ADGRV1: variants seen among roughly 807,000 people sequenced by gnomAD.
ADGRV1 encodes G-protein coupled receptor 98.
Under a neutral mutation model 596.2 loss-of-function variants are expected in ADGRV1, and 359 were observed. The ratio of observed to expected loss-of-function variants is 0.60; its 90% CI spans 0.55 to 0.66. The LOEUF is 0.66. Among genes scored for constraint, ADGRV1 ranks in the 30% least tolerant of loss-of-function variants. ADGRV1 has a pLI of 0.00. For synonymous variants in ADGRV1, 2,681 were observed against 2,679.2 expected (o/e 1.00, Z -0.02); for missense variants, 7,274 against 7,575.6 (o/e 0.96, Z 1.48).
At chr5:91,066,276 T>G (rs1202199582) in intron 85 of ADGRV1, among the ~76,000 whole-genome samples, 1 of 152,194 alleles carries the variant, frequency 6.6e-6, no homozygotes, top group Non-Finnish European at 1.5e-5. Context: ...CAAAAGCTAC[T>G]CTAACATGAT....
In ADGRV1 at chr5:91,122,929, A is replaced by T. The variant is rs1234562765; in HGVS notation, c.18432+20589A>T. The stretch of plus-strand genomic sequence containing the variant: ...CAGGATACTGGCATTTTAAAGAGGG[A>T]CTCCTAGACTTCCTGCCTGTTTCTC... On this transcript the variant is annotated intron_variant, in intron 87 of 89. Coordinates refer to ENST00000405460, the MANE Select transcript of ADGRV1 (RefSeq NM_032119.4). Among the ~76,000 whole-genome samples, 4 of 152,220 alleles carry T rather than the reference A, an allele frequency of 2.6e-5. No homozygotes were observed. The South Asian group carries it at 6.2e-4, about 24-fold the overall frequency.
At chr5:91,118,086 G>A (rs1793006187) in intron 87 of ADGRV1, among the ~76,000 whole-genome samples, 1 of 152,126 alleles carries the variant, frequency 6.6e-6, no homozygotes, top group Non-Finnish European at 1.5e-5. Flanking sequence ...GTCAGAGATG[G>A]CTTTAGGAAA....
At chr5:91,031,165 G>A in intron 85 of ADGRV1, 1 of 1,428,452 alleles carries the variant, frequency 7.0e-7, no homozygotes, top group Non-Finnish European at 9.8e-7. Context: ...AAAAATAATT[G>A]TCCACAACCA....
intron 83 of ADGRV1, among the ~76,000 whole-genome samples, chr5:90,964,740 A>C (rs1778307629): frequency 6.6e-6 from 1 of 152,018 alleles, no homozygotes; most frequent in Admixed American, 6.6e-5. Context: ...AAAAAAAAAA[A>C]AATGCAAATT....
At chr5:91,013,724 T>G (rs915711662) in intron 85 of ADGRV1, among the ~76,000 whole-genome samples, 3 of 152,210 alleles carry the variant, frequency 2.0e-5, no homozygotes, top group African/African-American at 7.2e-5. Context: ...AGATCACATT[T>G]GTCAATTTTT....
Position 90,720,938 on chromosome 5 carries a change from C to A in ADGRV1, c.9627C>A (p.Ala3209=). 1 of 1,602,198 alleles carries A rather than the reference C, an allele frequency of 6.2e-7. No homozygotes were observed. Among genetic ancestry groups the A allele is most frequent in the African/African-American group, 1.3e-5 (1 of 74,650 alleles). The change falls in exon 45 of 90, where the codon GCC becomes GCA. Residue 3209 remains alanine (A), a synonymous_variant. Coordinates refer to ENST00000405460, the MANE Select transcript of ADGRV1 (RefSeq NM_032119.4). ...LFSISAVENR[A]TSIDIEEANR... ...TCAATCCATGTATTTCTTTCAGAGC[C>A]ACCTCCATAGACATCGAAGAAGCCA...
intron 84 of ADGRV1, among the ~76,000 whole-genome samples, chr5:90,971,556 TAAAGA>T (rs1248097406): frequency 6.6e-6 from 1 of 152,138 alleles, no homozygotes; most frequent in Non-Finnish European, 1.5e-5. Context: ...TCAACATTCT[TAAAGA>T]AAAGAATTTT....
Position 90,634,054 on chromosome 5 carries a change from A to G in ADGRV1, c.1840-1060A>G, listed in dbSNP as rs372738207. Reference sequence around the variant, plus strand: ...ATTATAAAGCCTAACAGAGGGCTTTAAAGAGTGGCAGAGACATGTTTTATT... The same window carrying G: ...ATTATAAAGCCTAACAGAGGGCTTTGAAGAGTGGCAGAGACATGTTTTATT... On this transcript the variant is annotated intron_variant, in intron 9 of 89. Coordinates refer to ENST00000405460, the MANE Select transcript of ADGRV1 (RefSeq NM_032119.4). 1.1e-4 allele frequency among the ~76,000 whole-genome samples: 16 copies of G among 152,338 alleles called. No homozygotes were observed. The South Asian group carries it at 2.9e-3, about 28-fold the overall frequency.
intron 2 of ADGRV1, chr5:90,617,104 T>A (rs1763461004): frequency 6.6e-6 from 1 of 152,194 alleles, no homozygotes; most frequent in Non-Finnish European, 1.5e-5. Context: ...TAATATTCTG[T>A]TGTGTAGCTG....
rs555153347 is a variant in ADGRV1, at chr5:90,904,298, A to G, written c.17856+40441A>G. On this transcript the variant is annotated intron_variant, in intron 83 of 89. Coordinates refer to ENST00000405460, the MANE Select transcript of ADGRV1 (RefSeq NM_032119.4). ...TACCCAGCAGGGGGATTGCTGGATC[A>G]TTTGGTAGCTCTATTTTTAGTTTTT... is the stretch of plus-strand genomic sequence containing the variant. Among the ~76,000 whole-genome samples, 16 of 152,182 alleles carry G rather than the reference A, an allele frequency of 1.1e-4. 1 individual carries two copies. The South Asian group carries it at 3.3e-3, about 32-fold the overall frequency.
chr5:91,044,685 A>T (rs1785641419), intron 85 of ADGRV1, among the ~76,000 whole-genome samples: 1 of 152,194 alleles, frequency 6.6e-6, no homozygotes, highest in Non-Finnish European at 1.5e-5. Flanking sequence ...AATAATGTCA[A>T]ACAAAAATGA....
At chr5:91,067,689 G>A (rs544155753) in intron 85 of ADGRV1, among the ~76,000 whole-genome samples, 1 of 152,120 alleles carries the variant, frequency 6.6e-6, no homozygotes, top group African/African-American at 2.4e-5. Flanking sequence ...CTATTTTGCT[G>A]TCCCAAATTG....
intron 84 of ADGRV1, among the ~76,000 whole-genome samples, chr5:90,976,328 ATATATATATATATATATATATGTATATG>A (rs1779603496): frequency 3.8e-5 from 5 of 130,364 alleles, no homozygotes; most frequent in African/African-American, 9.0e-5. Flanking sequence ...GTGTGTATAT[ATATATATATATATATATATATGTATATG>A]TATATATGGA....
intron 2 of ADGRV1, among the ~76,000 whole-genome samples, chr5:90,615,560 C>A (rs945617423): frequency 6.6e-5 from 10 of 151,766 alleles, no homozygotes; most frequent in Admixed American, 6.6e-5. Context: ...CTATTTTTAA[C>A]CAGAAAGTTA....
chr5:90,905,988 C>G (rs888098771), intron 83 of ADGRV1, among the ~76,000 whole-genome samples: 50 of 151,998 alleles, frequency 3.3e-4, no homozygotes, highest in Non-Finnish European at 5.9e-5. Context: ...TTAAAATGAT[C>G]ATTTGGTTTT....
At position 90,848,803 on chromosome 5, in the gene ADGRV1, G is replaced by A; in HGVS notation, c.17186G>A (p.Cys5729Tyr). Residue 5729 changes from cysteine to tyrosine, a missense_variant, in exon 79 of 90, where the codon TGC becomes TAC. By Grantham distance (194) the Cys-to-Tyr change is radical. This residue lies in a region of ADGRV1 where 1,874 missense variants were observed against 1,970.2 expected (regional missense o/e 0.95). Transcript: ENST00000405460. ...TTTTCTCTGCTGACTAATGTTACTT[G>A]CGGCTCTCCTGGTGAAAAGTAAGTA... ...FAFSLLTNVT[C>Y]GSPGEKSKTI... 6.3e-7 allele frequency: 1 copy of A among 1,581,956 alleles called. No homozygotes were observed. The highest frequency in any genetic ancestry group is 8.6e-7 in the Non-Finnish European group (1 of 1,168,746).
Position 90,692,602 on chromosome 5 carries a change from T to C in ADGRV1, c.6952-3T>C. On this transcript the variant is annotated splice_polypyrimidine_tract_variant and splice_region_variant and intron_variant, in intron 31 of 89. Coordinates refer to ENST00000405460, the MANE Select transcript of ADGRV1 (RefSeq NM_032119.4). ...GTTAAGGAAGTTTTCACTGTATTTT[T>C]AGGTTATCCAAGTGCAACTAACTGA... 1.2e-6 allele frequency: 2 copies of C among 1,602,806 alleles called. No individual in the cohort carries two copies. Among genetic ancestry groups the C allele is most frequent in the East Asian group, 2.2e-5 (1 of 44,626 alleles).
intron 45 of ADGRV1, among the ~76,000 whole-genome samples, chr5:90,722,656 C>T (rs1055432104): frequency 8.2e-6 from 1 of 122,122 alleles, no homozygotes; most frequent in African/African-American, 3.2e-5. Context: ...TGGAGGATGC[C>T]GTGAGCCGAG....
intron 83 of ADGRV1, among the ~76,000 whole-genome samples, chr5:90,870,931 G>T (rs1270199040): frequency 1.3e-5 from 2 of 152,090 alleles, no homozygotes; most frequent in Non-Finnish European, 2.9e-5. Flanking sequence ...AATTTTTTAG[G>T]TCTAGGCAAG....
Sources: allele counts gnomAD v4.1 joint callset (sites outside exome capture counted in the v4.1 genomes callset), GRCh38; gene constraint gnomAD v4.1.1; regional missense constraint gnomAD v4.1.1; transcripts MANE v1.5; gene names NCBI Gene and HGNC (gene_info 2026-07-23, HGNC 2026-07-21).